The following CSNK2B variants were observed in gnomAD, a reference collection of about 807,000 sequenced individuals.
The protein encoded by CSNK2B is casein kinase 2 beta.
CSNK2B carries 2 observed loss-of-function variants against 28.8 expected under a neutral mutation model. The observed-to-expected ratio is 0.07, with a 90% CI of 0.03 to 0.22. CSNK2B has a LOEUF of 0.22. CSNK2B is among the 10% of genes least tolerant of loss of function. The probability of loss-of-function intolerance (pLI) is 1.00; values close to 1 mark genes in which losing one functional copy is unlikely to be tolerated. For synonymous variants in CSNK2B, 89 were observed against 96.1 expected (o/e 0.93, Z 0.43); for missense variants, 107 against 277.9 (o/e 0.39, Z 4.37).
chr6:31,669,033 C>T lies in CSNK2B; in HGVS notation c.292-64C>T, dbSNP rs1801992365. ...GGGGGACAGAGTGGTATGGGTTGGG[C>T]TGCGAAGGGAGTTGCCTCTTCTTTA... is the stretch of plus-strand genomic sequence containing the variant. On this transcript the variant is annotated intron_variant, in intron 4 of 6. Transcript: ENST00000375882. This position sits in a 1 kb window ranked among gnomAD's most constrained non-coding sequence, Gnocchi z 4.8. The T allele has an allele frequency of 1.6e-6, 2 of 1,258,674 alleles. No homozygotes were observed. The highest frequency in any genetic ancestry group is 2.3e-6 in the Non-Finnish European group (2 of 859,650). 78.0% of individuals were successfully genotyped at this position (1,258,674 alleles called of 1,614,324 possible). A position where few individuals can be genotyped will look rare whatever the true frequency, so the allele number is the denominator to read the frequency against.
In CSNK2B at chr6:31,668,558, C is replaced by T. The variant is rs1469634729; in HGVS notation, c.195C>T (p.Asn65=). 4 of 1,612,916 alleles carry T rather than the reference C, an allele frequency of 2.5e-6. No individual in the cohort carries two copies. In the African/African-American group the frequency reaches 4.0e-5, roughly 16 times the overall value. ...TTTCAGATGAAGAACTGGAAGACAACCCCAACCAGAGTGACCTGATTGAGC... is the reference window on the plus strand; with the variant it reads ...TTTCAGATGAAGAACTGGAAGACAATCCCAACCAGAGTGACCTGATTGAGC... ...DLEPDEELED[N]PNQSDLIEQA... is the part of the protein sequence containing the mutation. Residue 65 remains asparagine, a synonymous_variant, in exon 4 of 7, where the codon AAC becomes AAT. Transcript: ENST00000375882.
At chr6:31,668,155 A>C (rs1372325069) in intron 3 of CSNK2B, 185 bp downstream of exon 3, 1 of 651,102 alleles carries the variant, frequency 1.5e-6, no homozygotes, top group Non-Finnish European at 2.7e-6. Context: ...ACTTGTTCTC[A>C]TGTTTTCTAA....
At chr6:31,666,265 G>C in intron 1 of CSNK2B, 57 bp downstream of exon 1, 1 of 893,206 alleles carries the variant, frequency 1.1e-6, no homozygotes, top group Non-Finnish European at 1.3e-6. Flanking sequence ...GGCACATGGG[G>C]TCTCCGGACT....
Position 31,669,706 on chromosome 6 carries a change from T to G in CSNK2B, c.558-130T>G. On this transcript the variant is annotated intron_variant, in intron 6 of 6. Coordinates refer to ENST00000375882, the MANE Select transcript of CSNK2B (RefSeq NM_001320.7). This position sits in a 1 kb window ranked among gnomAD's most constrained non-coding sequence, Gnocchi z 4.8. Reference sequence around the variant, plus strand: ...GTAGAATGTTCTTGAGCTGAGAAGTTGGGAACCACGAGGCTTTAGCTCTGA... The same window carrying G: ...GTAGAATGTTCTTGAGCTGAGAAGTGGGGAACCACGAGGCTTTAGCTCTGA... 1 of 1,028,960 alleles carries G rather than the reference T, an allele frequency of 9.7e-7. No homozygotes were observed. Among genetic ancestry groups the G allele is most frequent in the Non-Finnish European group, 1.4e-6 (1 of 709,476 alleles). 63.7% of individuals were successfully genotyped at this position (1,028,960 alleles called of 1,614,324 possible). A position where few individuals can be genotyped will look rare whatever the true frequency, so the allele number is the denominator to read the frequency against.
chr6:31,669,936 C>G lies in CSNK2B; in HGVS notation c.*10C>G. On this transcript the variant is annotated 3_prime_UTR_variant, in exon 7 of 7. Coordinates refer to ENST00000375882, the MANE Select transcript of CSNK2B (RefSeq NM_001320.7). This position sits in a 1 kb window ranked among gnomAD's most constrained non-coding sequence, Gnocchi z 4.8. ...CAAGACGATTCGCTGATTCCCTCCCCCACCTGTCCTGCAGTCTTTGACTTT... is the reference window on the plus strand; with the variant it reads ...CAAGACGATTCGCTGATTCCCTCCCGCACCTGTCCTGCAGTCTTTGACTTT... 6.2e-7 allele frequency: 1 copy of G among 1,610,870 alleles called. No individual in the cohort carries two copies. Among genetic ancestry groups the G allele is most frequent in the Admixed American group, 1.7e-5 (1 of 59,762 alleles).
At chr6:31,666,979 C>G (rs748639535) in intron 2 of CSNK2B, 76 bp downstream of exon 2, 1 of 1,204,622 alleles carries the variant, frequency 8.3e-7, no homozygotes. Context: ...TATTCCACTT[C>G]TGCACTGTTC....
In CSNK2B at chr6:31,667,911, T is replaced by A; in HGVS notation, c.116T>A (p.Leu39His). 1 of 1,550,294 alleles carries A rather than the reference T, an allele frequency of 6.5e-7. No individual in the cohort carries two copies. Among genetic ancestry groups the A allele is most frequent in the Non-Finnish European group, 8.7e-7 (1 of 1,153,110 alleles). The stretch of plus-strand genomic sequence containing the variant: ...CAGGACAAATTTAATCTTACTGGAC[T>A]CAATGAGCAGGTCCCTCACTATCGA... ...YIQDKFNLTG[L>H]NEQVPHYRQA... The change falls in exon 3 of 7, where the codon CTC becomes CAC. Residue 39 changes from leucine to histidine, a missense_variant. Transcript: ENST00000375882.
chr6:31,669,224 G>T lies in CSNK2B; in HGVS notation c.367+52G>T, dbSNP rs947036942. ...GCACCGTGTGGCAGTCTTATGGGAA[G>T]GAGTTGGGGCTCAACACATTGGAGC... On this transcript the variant is annotated intron_variant, in intron 5 of 6. Transcript: ENST00000375882. This position sits in a 1 kb window ranked among gnomAD's most constrained non-coding sequence, Gnocchi z 4.8. 6.2e-7 allele frequency: 1 copy of T among 1,604,910 alleles called. No homozygotes were observed. The highest frequency in any genetic ancestry group is 1.3e-5 in the African/African-American group (1 of 74,772).
intron 2 of CSNK2B, chr6:31,667,411 C>G: frequency 2.9e-6 from 1 of 350,590 alleles, no homozygotes; most frequent in Non-Finnish European, 5.6e-6. Context: ...GGATTACAGG[C>G]GTGAGCCATT....
At chr6:31,668,051 G>A in intron 3 of CSNK2B, 81 bp downstream of exon 3, 1 of 970,448 alleles carries the variant, frequency 1.0e-6, no homozygotes, top group South Asian at 1.3e-5. Context: ...CCTGAATTTT[G>A]AAATTTCCTT....
chr6:31,666,333 C>A (rs1801690543), intron 1 of CSNK2B, 125 bp downstream of exon 1: 1 of 318,094 alleles, frequency 3.1e-6, no homozygotes, highest in Non-Finnish European at 4.6e-6. Context: ...GGAGAGGTGG[C>A]CTGAGGAGCG....
chr6:31,668,555 C>G lies in CSNK2B; in HGVS notation c.192C>G (p.Asp64Glu). 2 of 1,612,996 alleles carry G rather than the reference C, an allele frequency of 1.2e-6. No homozygotes were observed. The highest frequency in any genetic ancestry group is 1.7e-6 in the Non-Finnish European group (2 of 1,180,004). The change falls in exon 4 of 7, where the codon GAC (aspartate) becomes GAG (glutamate). Residue 64 changes from aspartate (D) to glutamate (E), a missense_variant. Physicochemically the swap from Asp to Glu is conservative, Grantham distance 45. Transcript: ENST00000375882. ...GTGTTTCAGATGAAGAACTGGAAGACAACCCCAACCAGAGTGACCTGATTG... is the reference window on the plus strand; with the variant it reads ...GTGTTTCAGATGAAGAACTGGAAGAGAACCCCAACCAGAGTGACCTGATTG... ...LDLEPDEELEDNPNQSDLIEQ... is the reference protein window; with the variant it reads ...LDLEPDEELEENPNQSDLIEQ...
intron 2 of CSNK2B, 32 bp from the exon 3 acceptor site, chr6:31,667,836 T>C: frequency 6.1e-6 from 8 of 1,315,578 alleles, no homozygotes; most frequent in South Asian, 1.5e-5. Context: ...GATTTTGATA[T>C]GGGTTCCCTC....
chr6:31,667,733 C>T lies in CSNK2B; in HGVS notation c.73-135C>T, dbSNP rs181003968. The T allele has an allele frequency of 1.4e-3, 671 of 495,650 alleles. 3 individuals are homozygous for T. Among genetic ancestry groups the T allele is most frequent in the African/African-American group, 9.4e-3 (471 of 49,964 alleles). 30.7% of individuals were successfully genotyped at this position (495,650 alleles called of 1,614,324 possible). Reference sequence around the variant, plus strand: ...GAACTAGGGAGAGACACAAGTACTTCTGCTGAGTTGGGAGTGAGAAACAAG... The same window carrying T: ...GAACTAGGGAGAGACACAAGTACTTTTGCTGAGTTGGGAGTGAGAAACAAG... On this transcript the variant is annotated intron_variant, in intron 2 of 6. Transcript: ENST00000375882.
Position 31,669,258 on chromosome 6 carries a change from T to G in CSNK2B, c.368-61T>G. ...GCTCAACACATTGGAGCCTGAGTCC[T>G]GAGGGGAGGTTAGGTAGGAATAGGG... On this transcript the variant is annotated intron_variant, in intron 5 of 6. Transcript: ENST00000375882. This position sits in a 1 kb window ranked among gnomAD's most constrained non-coding sequence, Gnocchi z 4.8. The G allele has an allele frequency of 6.2e-7, 1 of 1,601,902 alleles. No individual in the cohort carries two copies. Among genetic ancestry groups the G allele is most frequent in the Non-Finnish European group, 8.5e-7 (1 of 1,169,972 alleles).
In CSNK2B at chr6:31,669,540, A is replaced by C; in HGVS notation, c.557+32A>C. On this transcript the variant is annotated intron_variant, in intron 6 of 6. Coordinates refer to ENST00000375882, the MANE Select transcript of CSNK2B (RefSeq NM_001320.7). The surrounding 1 kb of genome is among the most constrained non-coding windows in gnomAD (Gnocchi z 4.8). ...AGCAGGGAGAGTCATTAAGGGTCAA[A>C]GGAAAGGCCCAAGATCCCCCAGAGA... The C allele has an allele frequency of 2.5e-6, 4 of 1,592,784 alleles. No individual in the cohort carries two copies. Among genetic ancestry groups the C allele is most frequent in the Non-Finnish European group, 3.4e-6 (4 of 1,174,340 alleles).
Position 31,666,121 on chromosome 6 carries a change from G to C in CSNK2B, c.-99G>C. 2 of 994,140 alleles carry C rather than the reference G, an allele frequency of 2.0e-6. No individual in the cohort carries two copies. Among genetic ancestry groups the C allele is most frequent in the Non-Finnish European group, 2.4e-6 (2 of 833,766 alleles). The allele number at this position is 994,140 out of a possible 1,614,324, so 61.6% of individuals were successfully genotyped here. ...ACCCCACTTCGCCTGCCGCGGTCGG[G>C]TCCGCGGCCTGCGCTGTAGCGGTCG... On this transcript the variant is annotated 5_prime_UTR_variant, in exon 1 of 7. Transcript: ENST00000375882.
intron 1 of CSNK2B, 80 bp downstream of exon 1, chr6:31,666,288 C>T (rs1372234097): frequency 3.0e-6 from 2 of 658,078 alleles, no homozygotes; most frequent in Non-Finnish European, 3.8e-6. Flanking sequence ...GATGTGGGGG[C>T]GGGGGAGGAA....
intron 2 of CSNK2B, 98 bp from the exon 3 acceptor site, chr6:31,667,770 C>A: frequency 1.7e-6 from 1 of 587,160 alleles, no homozygotes; most frequent in Non-Finnish European, 2.9e-6. Context: ...ACAACAGATG[C>A]AGTTGTGTTG....
Sources: gnomAD v4.1 joint callset for allele counts on GRCh38, gnomAD v4.1.1 for gene constraint, Gnocchi (gnomAD v3.1) non-coding constraint, MANE v1.5 for transcripts, NCBI Gene and HGNC (gene_info 2026-07-23, HGNC 2026-07-21) for gene names.